FAM76B: variants seen among roughly 807,000 people sequenced by gnomAD.
The protein encoded by FAM76B is family with sequence similarity 76 member B.
A neutral mutation model predicts 51.8 loss-of-function variants in FAM76B; 16 were observed. That is an observed-to-expected ratio of 0.31 (90% CI 0.21 to 0.47). The LOEUF (loss-of-function observed/expected upper bound fraction) is 0.47, where lower values mean the gene tolerates loss of function less well. FAM76B is among the 20% of genes least tolerant of loss of function. FAM76B has a pLI of 1.00. For missense variants in FAM76B, 342 were observed against 392.6 expected (o/e 0.87, Z 1.09); for synonymous variants, 166 against 129.5 (o/e 1.28, Z -1.91).
intron 8 of FAM76B, 22 bp from the exon 9 acceptor site, chr11:95,776,045 A>T: frequency 2.8e-6 from 4 of 1,435,914 alleles, no homozygotes; most frequent in Non-Finnish European, 3.8e-6. Context: ...AAGAAAAAAT[A>T]TATGTATATA....
In FAM76B at chr11:95,775,940, T is replaced by A. The variant is rs777256291; in HGVS notation, c.912A>T (p.Glu304Asp). 1.3e-6 allele frequency: 2 copies of A among 1,587,174 alleles called. No homozygotes were observed. The highest frequency in any genetic ancestry group is 1.7e-6 in the Non-Finnish European group (2 of 1,167,542). ...TAGTTACCTGAAGTTGTTCCACAGT[T>A]TCTTTGTGGGCTTTTTCCATACTGT... ...KMNSMEKAHK[E>D]TVEQLQAKNR... The change falls in exon 9 of 10, where the codon GAA becomes GAT. Residue 304 changes from glutamate (E) to aspartate (D), a missense_variant. This residue lies in a region of FAM76B where 230 missense variants were observed against 257.4 expected (regional missense o/e 0.89). Coordinates refer to ENST00000358780, the MANE Select transcript of FAM76B (RefSeq NM_144664.5).
chr11:95,781,511 A>C (rs909554913), intron 5 of FAM76B, among the ~76,000 whole-genome samples: 1 of 152,146 alleles, frequency 6.6e-6, no homozygotes, highest in African/African-American at 2.4e-5. Flanking sequence ...CTTTCAAAAA[A>C]TTAAGTTGCT....
intron 1 of FAM76B, chr11:95,789,029 G>A (rs1591031107): frequency 7.3e-7 from 1 of 1,377,214 alleles, no homozygotes; most frequent in East Asian, 3.9e-5. Context: ...CCTGCCTCCT[G>A]GTGGAAGAAG....
At chr11:95,785,552 C>T (rs900903806) in intron 4 of FAM76B, among the ~76,000 whole-genome samples, 1 of 152,140 alleles carries the variant, frequency 6.6e-6, no homozygotes, top group Non-Finnish European at 1.5e-5. Context: ...ATGTACATTG[C>T]TGTGGGGAGA....
intron 4 of FAM76B, among the ~76,000 whole-genome samples, chr11:95,784,840 G>C (rs760363005): frequency 6.6e-6 from 1 of 152,016 alleles, no homozygotes; most frequent in Non-Finnish European, 1.5e-5. Context: ...ACCCACCTCA[G>C]CCTCCCAAAG....
At chr11:95,782,513 A>G (rs1473633726) in intron 5 of FAM76B, among the ~76,000 whole-genome samples, 4 of 152,130 alleles carry the variant, frequency 2.6e-5, no homozygotes, top group African/African-American at 9.7e-5. Flanking sequence ...AGTTGTCTCT[A>G]TTTAAGTAGA....
At chr11:95,789,133 G>C (rs905116928) in intron 1 of FAM76B, 1 of 1,299,172 alleles carries the variant, frequency 7.7e-7, no homozygotes, top group African/African-American at 1.5e-5. Context: ...CCCCACTCCT[G>C]AGACCCCCAG....
At chr11:95,772,191 A>AT (rs199858926) in intron 9 of FAM76B, among the ~76,000 whole-genome samples, 115 of 150,908 alleles carry the variant, frequency 7.6e-4, no homozygotes, top group African/African-American at 2.7e-3. Context: ...ATGATATTCA[A>AT]TTTTTTTTAA....
chr11:95,771,824 G>C (rs1859779951), intron 9 of FAM76B, among the ~76,000 whole-genome samples, 174 bp from the exon 10 acceptor site: 1 of 151,108 alleles, frequency 6.6e-6, no homozygotes, highest in South Asian at 2.1e-4. Flanking sequence ...TGAACATGCA[G>C]AAGGAAAATT....
chr11:95,779,238 A>T, intron 7 of FAM76B: 1 of 1,009,862 alleles, frequency 9.9e-7, no homozygotes, highest in East Asian at 3.0e-5. Flanking sequence ...CTTTTGGCTA[A>T]TGAACTAAAA....
At chr11:95,780,522 ATAAT>A (rs1311671706) in intron 5 of FAM76B, among the ~76,000 whole-genome samples, 1 of 151,938 alleles carries the variant, frequency 6.6e-6, no homozygotes, top group Non-Finnish European at 1.5e-5. Flanking sequence ...ACTTTTACTC[ATAAT>A]TAATACTGTA....
intron 9 of FAM76B, among the ~76,000 whole-genome samples, chr11:95,774,708 TATAAGA>T (rs3839939): frequency 0.28 from 41,728 of 150,934 alleles, 6,892 homozygotes; most frequent in Non-Finnish European, 0.38. Context: ...TTGACTAATA[TATAAGA>T]ATCTGATATA....
chr11:95,787,492 G>A (rs1489220371), intron 3 of FAM76B, 132 bp downstream of exon 3: 7 of 753,522 alleles, frequency 9.3e-6, no homozygotes, highest in African/African-American at 5.3e-5. Context: ...CGCCCTCCTC[G>A]GCCTCCCAAA....
At position 95,789,503 on chromosome 11, in the gene FAM76B, C is replaced by T; in HGVS notation, c.-25G>A. On this transcript the variant is annotated 5_prime_UTR_variant, in exon 1 of 10. Coordinates refer to ENST00000358780, the MANE Select transcript of FAM76B (RefSeq NM_144664.5). ...TCCTGCTCCTCAGTCTCCTCCTCCG[C>T]CGCCGCCCGCTCCGAGGCGGGGCCC... 6.3e-7 allele frequency: 1 copy of T among 1,576,372 alleles called. No homozygotes were observed. The highest frequency in any genetic ancestry group is 8.6e-7 in the Non-Finnish European group (1 of 1,161,876).
rs754192671 is a variant in FAM76B at position 95,783,313 on chromosome 11, A to G, written c.364-49T>C. ...AAATGTACCCATATAAACTGGCTGT[A>G]AACGAAACCAGGTAAGATAAACCAC... On this transcript the variant is annotated intron_variant, in intron 4 of 9. Coordinates refer to ENST00000358780, the MANE Select transcript of FAM76B (RefSeq NM_144664.5). 1.7e-5 allele frequency: 26 copies of G among 1,552,716 alleles called. No individual in the cohort carries two copies. In the East Asian group the frequency reaches 5.8e-4, roughly 35 times the overall value.
chr11:95,782,163 T>G (rs1385417075), intron 5 of FAM76B, among the ~76,000 whole-genome samples: 1 of 152,136 alleles, frequency 6.6e-6, no homozygotes, highest in African/African-American at 2.4e-5. Context: ...AAGACTAAAA[T>G]TGCATTTTAA....
intron 5 of FAM76B, among the ~76,000 whole-genome samples, chr11:95,782,490 G>A (rs1860323866): frequency 6.6e-6 from 1 of 151,956 alleles, no homozygotes; most frequent in Non-Finnish European, 1.5e-5. Flanking sequence ...CAAGCATACT[G>A]AGGGAAAACT....
chr11:95,788,558 A>G lies in FAM76B; in HGVS notation c.93T>C (p.Cys31=). Reference sequence around the variant, plus strand: ...ATTTTACAATAGGATGTGCAATCCGACATTCCTGTAATAAGACAATACATT... The same window carrying G: ...ATTTTACAATAGGATGTGCAATCCGGCATTCCTGTAATAAGACAATACATT... ...LSQGQQLCKE[C]RIAHPIVKCT... The change falls in exon 2 of 10, where the codon TGT becomes TGC. Residue 31 remains cysteine, a synonymous_variant. Coordinates refer to ENST00000358780, the MANE Select transcript of FAM76B (RefSeq NM_144664.5). The G allele has an allele frequency of 6.2e-7, 1 of 1,612,064 alleles. No individual in the cohort carries two copies. Among genetic ancestry groups the G allele is most frequent in the Non-Finnish European group, 8.5e-7 (1 of 1,179,106 alleles).
intron 1 of FAM76B, chr11:95,789,120 C>G: frequency 2.2e-6 from 3 of 1,362,560 alleles, no homozygotes; most frequent in Non-Finnish European, 2.9e-6. Context: ...CTGCCTCACT[C>G]AACCCCACTC....
Sources: allele counts gnomAD v4.1 joint callset (sites outside exome capture counted in the v4.1 genomes callset), GRCh38; gene constraint gnomAD v4.1.1; regional missense constraint gnomAD v4.1.1; transcripts MANE v1.5; gene names NCBI Gene and HGNC (gene_info 2026-07-23, HGNC 2026-07-21).